PCM1: variants seen among roughly 807,000 people sequenced by gnomAD.
The protein encoded by PCM1 is pericentriolar material 1 protein.
Under a neutral mutation model 241.9 loss-of-function variants are expected in PCM1, and 157 were observed. The observed-to-expected ratio is 0.65, with a 90% CI of 0.57 to 0.74. The LOEUF (loss-of-function observed/expected upper bound fraction) is 0.74. Ranked by LOEUF, PCM1 falls within the 30% of genes least tolerant of loss-of-function variation. The pLI is 0.00. For synonymous variants in PCM1, 1,085 were observed against 784.9 expected (o/e 1.38, Z -6.39); for missense variants, 3,478 against 2,360.1 (o/e 1.47, Z -9.81).
chr8:17,956,785 C>G lies in PCM1; in HGVS notation c.1646+8C>G. ...GCCTGTTACTAACATTCGGTAAGAA[C>G]TTTTCTGGGGATGTTTTTCCAGCAT... On this transcript the variant is annotated splice_region_variant and intron_variant, in intron 11 of 38. Coordinates refer to ENST00000325083, the MANE Select transcript of PCM1 (RefSeq NM_006197.4). 2 of 1,598,334 alleles carry G rather than the reference C, an allele frequency of 1.3e-6. No individual in the cohort carries two copies. The highest frequency in any genetic ancestry group is 1.7e-6 in the Non-Finnish European group (2 of 1,169,408).
intron 17 of PCM1, 27 bp downstream of exon 17, chr8:17,963,318 C>G (rs1269307930): frequency 6.5e-7 from 1 of 1,535,388 alleles, no homozygotes; most frequent in Non-Finnish European, 8.8e-7. Context: ...AATCACTTTT[C>G]TAAAAATGTC....
chr8:17,931,963 T>C (rs959748769), intron 2 of PCM1, among the ~76,000 whole-genome samples: 10 of 152,198 alleles, frequency 6.6e-5, no homozygotes, highest in Non-Finnish European at 1.5e-4. Flanking sequence ...GCCTACCCTG[T>C]AACCAATAAT....
intron 36 of PCM1, among the ~76,000 whole-genome samples, chr8:18,022,441 T>C (rs1384941385): frequency 6.6e-6 from 1 of 152,188 alleles, no homozygotes; most frequent in Non-Finnish European, 1.5e-5. Context: ...CATGTAGTCA[T>C]ATAGATGAAT....
At chr8:17,968,221 A>C (rs1241826788) in intron 21 of PCM1, among the ~76,000 whole-genome samples, 2 of 152,224 alleles carry the variant, frequency 1.3e-5, no homozygotes, top group African/African-American at 2.4e-5. Context: ...GCTAGTATTT[A>C]GGGGAAGAGT....
rs1458648211 is a variant in PCM1, at chr8:17,937,226, T to G, written c.189T>G (p.Asp63Glu). Residue 63 changes from aspartate (D) to glutamate (E), a missense_variant, in exon 4 of 39, where the codon GAT becomes GAG. Physicochemically the swap from Asp to Glu is conservative, Grantham distance 45 (BLOSUM62 2). Transcript: ENST00000325083. Reference protein sequence around the residue: ...GVESDKRVTNDISPESSPGVG... With the variant: ...GVESDKRVTNEISPESSPGVG... ...AAAGTGATAAAAGAGTAACCAATGATATTTCTCCGGAGTCGTCACCAGGAG... is the reference window on the plus strand; with the variant it reads ...AAAGTGATAAAAGAGTAACCAATGAGATTTCTCCGGAGTCGTCACCAGGAG... 1 of 1,608,358 alleles carries G rather than the reference T, an allele frequency of 6.2e-7. No individual in the cohort carries two copies. The highest frequency in any genetic ancestry group is 1.3e-5 in the African/African-American group (1 of 74,856).
chr8:17,936,057 C>T (rs544572283), intron 3 of PCM1, among the ~76,000 whole-genome samples: 1 of 152,248 alleles, frequency 6.6e-6, no homozygotes, highest in African/African-American at 2.4e-5. Context: ...GCCTAACACA[C>T]CTTTCTCTTT....
At chr8:17,990,078 T>C in intron 27 of PCM1, 99 bp downstream of exon 27, 1 of 916,250 alleles carries the variant, frequency 1.1e-6, no homozygotes, top group Non-Finnish European at 1.5e-6. Flanking sequence ...AAAGGCGAAG[T>C]GTGTGTGGTT....
intron 27 of PCM1, among the ~76,000 whole-genome samples, chr8:17,990,924 G>C (rs746480233): frequency 6.6e-6 from 1 of 152,060 alleles, no homozygotes; most frequent in Non-Finnish European, 1.5e-5. Context: ...TCTGCATTGA[G>C]TTCATCCCAT....
Position 17,972,662 on chromosome 8 carries a change from G to C in PCM1, c.3918G>C (p.Gln1306His), listed in dbSNP as rs924033182. The C allele has an allele frequency of 2.2e-5, 34 of 1,563,268 alleles. No homozygotes were observed. The highest frequency in any genetic ancestry group is 2.7e-5 in the Non-Finnish European group (31 of 1,158,114). Reference protein sequence around the residue: ...KSKSKKRNSTQLKSRVKNIRY... With the variant: ...KSKSKKRNSTHLKSRVKNIRY... ...AAAGTAAGAAGAGGAATTCTACTCAGCTGAAAAGCAGAGTTAAAAACATCA... is the reference window on the plus strand; with the variant it reads ...AAAGTAAGAAGAGGAATTCTACTCACCTGAAAAGCAGAGTTAAAAACATCA... Residue 1306 changes from glutamine to histidine, a missense_variant, in exon 23 of 39, where the codon CAG becomes CAC. Transcript: ENST00000325083.
rs111727679 is a variant in PCM1, at chr8:17,988,224, A to G, written c.4411-1635A>G. ...AAACAGTAAAAAAAATGGTTTCCCT[A>G]TTCCTAAAATACGTTCCTTAATGTC... On this transcript the variant is annotated intron_variant, in intron 26 of 38. Coordinates refer to ENST00000325083, the MANE Select transcript of PCM1 (RefSeq NM_006197.4). 9.7e-3 allele frequency among the ~76,000 whole-genome samples: 1,478 copies of G among 151,928 alleles called. 13 individuals are homozygous for G. The highest frequency in any genetic ancestry group is 0.013 in the Non-Finnish European group (853 of 67,748).
chr8:17,960,627 C>G (rs925755427), intron 15 of PCM1, among the ~76,000 whole-genome samples, 183 bp downstream of exon 15: 1 of 147,542 alleles, frequency 6.8e-6, no homozygotes, highest in Non-Finnish European at 1.5e-5. Context: ...TAGGTTCACG[C>G]CATTCTTCTG....
At position 18,014,731 on chromosome 8, in the gene PCM1, TGGAACCCTTAGTGCCTA is replaced by T; in HGVS notation, c.5734_5750del (p.Glu1912SerfsTer5). The T allele has an allele frequency of 6.2e-7, 1 of 1,613,146 alleles. No individual in the cohort carries two copies. The highest frequency in any genetic ancestry group is 8.5e-7 in the Non-Finnish European group (1 of 1,179,836). On this transcript the variant is annotated frameshift_variant, in exon 36 of 39. Coordinates refer to ENST00000325083, the MANE Select transcript of PCM1 (RefSeq NM_006197.4). LOFTEE classifies it high-confidence loss of function. ...CCTTTGCCGTTACGTTTACCTGAAA[TGGAACCCTTAGTGCCTA>T]GAGTCAAAGAAGTTAAATCTGCTCA...
intron 3 of PCM1, 110 bp downstream of exon 3, chr8:17,935,816 A>G (rs2129448885): frequency 1.7e-6 from 1 of 603,338 alleles, no homozygotes; most frequent in Admixed American, 2.5e-5. Context: ...CTTGCTGGCC[A>G]AGACATTAAG....
At chr8:17,959,542 G>A (rs556169348) in intron 13 of PCM1, among the ~76,000 whole-genome samples, 9 of 148,108 alleles carry the variant, frequency 6.1e-5, no homozygotes, top group African/African-American at 2.3e-4. Context: ...TATGTCAGTT[G>A]GTGTACATTT....
chr8:18,029,394 A>G lies in PCM1; in HGVS notation c.*1732A>G, dbSNP rs925343420. ...TTCAGGGAAATTGGAACAATAAGTT[A>G]TGTTACATGCACACTCAAATTCTTT... On this transcript the variant is annotated 3_prime_UTR_variant, in exon 39 of 39. Coordinates refer to ENST00000325083, the MANE Select transcript of PCM1 (RefSeq NM_006197.4). 4.7e-6 allele frequency: 1 copy of G among 214,124 alleles called. No individual in the cohort carries two copies. Among genetic ancestry groups the G allele is most frequent in the Non-Finnish European group, 9.3e-6 (1 of 107,920 alleles). The allele number at this position is 214,124 out of a possible 1,614,324, so 13.3% of individuals were successfully genotyped here.
At chr8:17,934,592 G>C (rs977239816) in intron 2 of PCM1, 2 of 151,544 alleles carry the variant, frequency 1.3e-5, no homozygotes, top group Non-Finnish European at 2.9e-5. Context: ...ATTTTTAGCT[G>C]AATGACCTTG....
At chr8:17,962,933 G>C in intron 16 of PCM1, 168 bp from the exon 17 acceptor site, 1 of 508,808 alleles carries the variant, frequency 2.0e-6, no homozygotes, top group Non-Finnish European at 3.4e-6. Context: ...TGATTTTTTT[G>C]TAATCATAAC....
chr8:17,972,517 T>C lies in PCM1; in HGVS notation c.3773T>C (p.Leu1258Pro). 1.2e-6 allele frequency: 2 copies of C among 1,613,944 alleles called. No homozygotes were observed. Among genetic ancestry groups the C allele is most frequent in the South Asian group, 2.2e-5 (2 of 91,086 alleles). The change falls in exon 23 of 39, where the codon CTG becomes CCG. Residue 1258 changes from leucine (L) to proline (P), a missense_variant. By Grantham distance (98) the Leu-to-Pro change is moderately conservative. Coordinates refer to ENST00000325083, the MANE Select transcript of PCM1 (RefSeq NM_006197.4). Reference protein sequence around the residue: ...GRRRQFDEESLESFSSMPDPV... With the variant: ...GRRRQFDEESPESFSSMPDPV... Reference sequence around the variant, plus strand: ...AGACGCCAGTTTGATGAAGAATCACTGGAAAGCTTTAGCAGTATGCCTGAT... The same window carrying C: ...AGACGCCAGTTTGATGAAGAATCACCGGAAAGCTTTAGCAGTATGCCTGAT...
intron 23 of PCM1, among the ~76,000 whole-genome samples, chr8:17,977,556 G>C (rs3739403): frequency 0.1 from 15,818 of 152,208 alleles, 1,118 homozygotes; most frequent in East Asian, 0.37. Flanking sequence ...AGATCTCCAT[G>C]ATTCTTGGAG....
Sources: gnomAD v4.1 joint callset for allele counts (sites outside exome capture counted in the v4.1 genomes callset) on GRCh38, gnomAD v4.1.1 for gene constraint, MANE v1.5 for transcripts, NCBI Gene and HGNC (gene_info 2026-07-23, HGNC 2026-07-21) for gene names.